The following SYNE2 variants were observed in gnomAD, a reference collection of about 807,000 sequenced individuals.
SYNE2 encodes the protein spectrin repeat containing nuclear envelope protein 2.
A neutral mutation model predicts 856.3 loss-of-function variants in SYNE2; 431 were observed. The ratio of observed to expected loss-of-function variants is 0.50; its 90% CI spans 0.47 to 0.55. The LOEUF (loss-of-function observed/expected upper bound fraction) is 0.55. Ranked by LOEUF, SYNE2 falls within the 20% of genes least tolerant of loss-of-function variation. The pLI is 0.00. For missense variants in SYNE2, 8,129 were observed against 8,023.2 expected (o/e 1.01, Z -0.50); for synonymous variants, 2,923 against 2,872.3 (o/e 1.02, Z -0.56).
chr14:63,827,866 T>C (rs531732322), intron 1 of SYNE2, among the ~76,000 whole-genome samples: 43 of 151,218 alleles, frequency 2.8e-4, no homozygotes, highest in Non-Finnish European at 4.6e-4. Context: ...TATCCATGGG[T>C]TCTACATTTG....
At chr14:63,814,821 C>CAT (rs1888824610) in intron 1 of SYNE2, among the ~76,000 whole-genome samples, 1 of 93,828 alleles carries the variant, frequency 1.1e-5, no homozygotes, top group Non-Finnish European at 2.2e-5. Flanking sequence ...TATATATATC[C>CAT]ATATATATCC....
At chr14:64,013,047 C>T (rs546994436) in intron 32 of SYNE2, among the ~76,000 whole-genome samples, 37 of 152,170 alleles carry the variant, frequency 2.4e-4, no homozygotes, top group Non-Finnish European at 4.7e-4. Context: ...GCTGGAATGT[C>T]AGGAGACTAT....
At chr14:64,024,667 G>A (rs1482396306) in intron 39 of SYNE2, among the ~76,000 whole-genome samples, 1 of 152,118 alleles carries the variant, frequency 6.6e-6, no homozygotes, top group African/African-American at 2.4e-5. Context: ...TCATGGGATA[G>A]TCTGAAAAAA....
At chr14:63,951,334 C>T (rs758962703) in intron 7 of SYNE2, among the ~76,000 whole-genome samples, 3 of 151,928 alleles carry the variant, frequency 2.0e-5, no homozygotes, top group African/African-American at 7.2e-5. Context: ...GAGAGTTTCG[C>T]TCTTGTCGCC....
At chr14:64,175,579 T>C (rs564696993) in intron 95 of SYNE2, among the ~76,000 whole-genome samples, 23 of 152,216 alleles carry the variant, frequency 1.5e-4, no homozygotes, top group Non-Finnish European at 2.8e-4. Flanking sequence ...TGTTTTGTTA[T>C]GCTAAGATAC....
intron 1 of SYNE2, among the ~76,000 whole-genome samples, chr14:63,783,945 G>T (rs1049082959): frequency 2.0e-5 from 3 of 152,184 alleles, no homozygotes; most frequent in Non-Finnish European, 4.4e-5. Flanking sequence ...TTATTTAAGA[G>T]AATGTCTTTG....
At chr14:64,204,807 C>G (rs921929047) in intron 100 of SYNE2, among the ~76,000 whole-genome samples, 1 of 152,144 alleles carries the variant, frequency 6.6e-6, no homozygotes, top group Non-Finnish European at 1.5e-5. Flanking sequence ...AGCTTAAAAA[C>G]GCAAATTTAC....
intron 49 of SYNE2, among the ~76,000 whole-genome samples, chr14:64,057,438 G>A (rs183337544): frequency 6.8e-4 from 104 of 152,048 alleles, no homozygotes; most frequent in South Asian, 1.5e-3. Flanking sequence ...TTATGTTGTT[G>A]CAAATGACAG....
At position 64,221,705 on chromosome 14, in the gene SYNE2, G is replaced by A; in HGVS notation, c.20190+1G>A. 1.2e-6 allele frequency: 2 copies of A among 1,613,896 alleles called. No homozygotes were observed. Among genetic ancestry groups the A allele is most frequent in the Non-Finnish European group, 8.5e-7 (1 of 1,179,874 alleles). On this transcript the variant is annotated splice_donor_variant, in intron 112 of 115. Coordinates refer to ENST00000555002, the MANE Select transcript of SYNE2 (RefSeq NM_182914.3). LOFTEE classifies it high-confidence loss of function. The stretch of plus-strand genomic sequence containing the variant: ...CCTAGAGTGTCGGAGGGAACTAATG[G>A]TAAGTTTCCTCCCAAGGGCTCTGTA...
intron 1 of SYNE2, among the ~76,000 whole-genome samples, chr14:63,857,936 A>G (rs1021992376): frequency 1.4e-4 from 22 of 152,226 alleles, no homozygotes; most frequent in Admixed American, 1.3e-3. Context: ...ACAGAATACC[A>G]TAGATTGGGT....
intron 55 of SYNE2, among the ~76,000 whole-genome samples, chr14:64,079,312 T>C (rs573603458): frequency 6.6e-6 from 1 of 152,344 alleles, no homozygotes; most frequent in Admixed American, 6.5e-5. Flanking sequence ...AATAAAATCT[T>C]AGGCAAAACT....
At chr14:64,177,896 A>G (rs1413326483) in intron 96 of SYNE2, among the ~76,000 whole-genome samples, 1 of 152,228 alleles carries the variant, frequency 6.6e-6, no homozygotes, top group Non-Finnish European at 1.5e-5. Flanking sequence ...TTGCTCCAGT[A>G]TAGCATTTTT....
At chr14:64,020,683 T>A (rs1347976317) in intron 35 of SYNE2, among the ~76,000 whole-genome samples, 2 of 152,194 alleles carry the variant, frequency 1.3e-5, no homozygotes, top group African/African-American at 4.8e-5. Flanking sequence ...AAGGAGAATT[T>A]CACTCAAGTC....
chr14:64,108,058 T>C (rs1409767263), intron 65 of SYNE2, among the ~76,000 whole-genome samples: 8 of 152,156 alleles, frequency 5.3e-5, no homozygotes, highest in Admixed American at 5.2e-4. Context: ...AGTAAAAATA[T>C]AGTTAGTGGG....
At chr14:64,189,999 C>CT in intron 98 of SYNE2, 72 bp from the exon 99 acceptor site, 1 of 1,475,382 alleles carries the variant, frequency 6.8e-7, no homozygotes, top group South Asian at 1.1e-5. Context: ...AGAGGTAACT[C>CT]TATGTCTGTG....
At position 63,982,799 on chromosome 14, in the gene SYNE2, G is replaced by T. The variant is rs1257105252; in HGVS notation, c.2001+5G>T. On this transcript the variant is annotated splice_donor_5th_base_variant and intron_variant, in intron 17 of 115. Transcript: ENST00000555002. ...TTGGTTTCAAAAACTCAACTTGTAAGTTCTTTTGATTGGTTGCAGCTTTAT... is the reference window on the plus strand; with the variant it reads ...TTGGTTTCAAAAACTCAACTTGTAATTTCTTTTGATTGGTTGCAGCTTTAT... 2 of 1,613,612 alleles carry T rather than the reference G, an allele frequency of 1.2e-6. No individual in the cohort carries two copies. Among genetic ancestry groups the T allele is most frequent in the Non-Finnish European group, 1.7e-6 (2 of 1,179,718 alleles).
intron 61 of SYNE2, among the ~76,000 whole-genome samples, chr14:64,097,244 T>C (rs987562505): frequency 6.6e-6 from 1 of 152,228 alleles, no homozygotes; most frequent in African/African-American, 2.4e-5. Flanking sequence ...TAAGATATAC[T>C]ACATGGTACC....
At position 64,212,083 on chromosome 14, in the gene SYNE2, G is replaced by T; in HGVS notation, c.18846G>T (p.Lys6282Asn). 1 of 1,614,144 alleles carries T rather than the reference G, an allele frequency of 6.2e-7. No homozygotes were observed. The highest frequency in any genetic ancestry group is 8.5e-7 in the Non-Finnish European group (1 of 1,180,042). Residue 6282 changes from lysine (K) to asparagine (N), a missense_variant, in exon 104 of 116, where the codon AAG becomes AAT. By Grantham distance (94) the Lys-to-Asn change is moderately conservative. Around this residue, in one of 3 missense-constraint regions of SYNE2, gnomAD observed 5,410 missense variants for 5,284.8 expected, o/e 1.02. Coordinates refer to ENST00000555002, the MANE Select transcript of SYNE2 (RefSeq NM_182914.3). The stretch of plus-strand genomic sequence containing the variant: ...TCTCAGAGAGTGACGCCGATGACAA[G>T]ATGCGCCAACTGAATGTGAGGGCTG... Reference protein sequence around the residue: ...EHFSESDADDKMRQLNGFQQE... With the variant: ...EHFSESDADDNMRQLNGFQQE...
chr14:63,766,529 T>C (rs953247328), intron 1 of SYNE2, among the ~76,000 whole-genome samples: 2 of 152,328 alleles, frequency 1.3e-5, no homozygotes, highest in East Asian at 3.9e-4. Context: ...TGTTGTGTGG[T>C]TAAGTATTGT....
Sources: allele counts gnomAD v4.1 joint callset (sites outside exome capture counted in the v4.1 genomes callset), GRCh38; gene constraint gnomAD v4.1.1; regional missense constraint gnomAD v4.1.1; transcripts MANE v1.5; gene names NCBI Gene and HGNC (gene_info 2026-07-23, HGNC 2026-07-21).